Variants in ITIH5 observed in about 807,000 individuals in gnomAD.
The protein encoded by ITIH5 is inter-alpha-trypsin inhibitor heavy chain 5.
A neutral mutation model predicts 77.5 loss-of-function variants in ITIH5; 65 were observed. That is an observed-to-expected ratio of 0.84 (90% confidence interval 0.69 to 1.03). The LOEUF (loss-of-function observed/expected upper bound fraction) is 1.03, where lower values mean the gene tolerates loss of function less well. Ranked by LOEUF, ITIH5 falls within the 50% of genes least tolerant of loss-of-function variation. The pLI is 0.00. For missense variants in ITIH5, 1,208 were observed against 1,213.1 expected, an observed-to-expected ratio of 1.00 and a Z score of 0.06; for synonymous variants, 525 against 494.3, an observed-to-expected ratio of 1.06 and a Z score of -0.82.
rs1416282343 is a variant in ITIH5, at chr10:7,564,833, GTATACATACATACATA to G, written c.2527+1181_2527+1196del. On this transcript the variant is annotated intron_variant, in intron 13 of 13. Coordinates refer to ENST00000397146, the MANE Select transcript of ITIH5 (RefSeq NM_030569.7). The stretch of plus-strand genomic sequence containing the variant: ...TATATACACACACACACCATAGACT[GTATACATACATACATA>G]TATACATACATACACAGACTGTATA... 4.0e-5 allele frequency among the ~76,000 whole-genome samples: 6 copies of G among 149,022 alleles called. No homozygotes were observed. The South Asian group carries it at 1.1e-3, about 26-fold the overall frequency.
chr10:7,649,873 T>A (rs368983260), intron 2 of ITIH5, among the ~76,000 whole-genome samples: 1 of 152,142 alleles, frequency 6.6e-6, no homozygotes, highest in South Asian at 2.1e-4. Flanking sequence ...AGGAAGGATA[T>A]AAAACAGTGG....
At chr10:7,619,790 C>T (rs191204520) in intron 5 of ITIH5, 10 of 165,372 alleles carry the variant, frequency 6.0e-5, no homozygotes, top group African/African-American at 1.9e-4. Context: ...CCCACCAGGC[C>T]ACTCCTCCGA....
At position 7,566,067 on chromosome 10, in the gene ITIH5, G is replaced by A. The variant is rs1338074830; in HGVS notation, c.2490C>T (p.Asn830=). 3 of 1,614,166 alleles carry A rather than the reference G, an allele frequency of 1.9e-6. No homozygotes were observed. The African/African-American group carries it at 4.0e-5, about 22-fold the overall frequency. The change falls in exon 13 of 14, where the codon AAC becomes AAT. Residue 830 remains asparagine, a synonymous_variant. Transcript: ENST00000397146. ...GGCAGTTGCTGGAAAGGCCCTCGCT[G>A]TTGGCAATGTAGAAACCCAGGTGGT... The part of the protein sequence containing the change: ...QRHHLGFYIA[N]SEGLSSNCHG...
intron 13 of ITIH5, among the ~76,000 whole-genome samples, chr10:7,565,410 TAG>T (rs1264084514): frequency 6.8e-6 from 1 of 147,244 alleles, no homozygotes; most frequent in Non-Finnish European, 1.5e-5. Flanking sequence ...CACACATACA[TAG>T]ACAGTATACA....
rs796615139 is a variant in ITIH5 at position 7,634,093 on chromosome 10, A to G, written c.652+3135T>C. On this transcript the variant is annotated intron_variant, in intron 5 of 13. Transcript: ENST00000397146. ...GACAGAGCAAGACTCCGTCTCAAAA[A>G]AAAAAAAAAAAAAAAAGGAAAGAAA... 1.2e-3 allele frequency among the ~76,000 whole-genome samples: 174 copies of G among 151,002 alleles called. 1 individual carries two copies. The South Asian group carries it at 0.035, about 31-fold the overall frequency.
chr10:7,577,505 C>T (rs1351296515), intron 9 of ITIH5, among the ~76,000 whole-genome samples: 4 of 152,226 alleles, frequency 2.6e-5, no homozygotes, highest in Admixed American at 6.5e-5. Flanking sequence ...TGTACACTTA[C>T]GTTTCTTAAA....
Position 7,560,361 on chromosome 10 carries a change from C to T in ITIH5, c.*2722G>A, listed in dbSNP as rs1468118981. The T allele has an allele frequency of 6.6e-6, 1 of 152,594 alleles. No homozygotes were observed. The allele number at this position is 152,594 out of a possible 1,614,324, so 9.5% of individuals were successfully genotyped here. A position where few individuals can be genotyped will look rare whatever the true frequency, so the allele number is the denominator to read the frequency against. ...GGAATGAATCCTGTTCCTAATCCACCTATCAGGACACACGATTCAATTAAA... is the reference window on the plus strand; with the variant it reads ...GGAATGAATCCTGTTCCTAATCCACTTATCAGGACACACGATTCAATTAAA... On this transcript the variant is annotated 3_prime_UTR_variant, in exon 14 of 14. Transcript: ENST00000397146.
intron 7 of ITIH5, among the ~76,000 whole-genome samples, chr10:7,614,861 C>T (rs752159451): frequency 2.0e-5 from 3 of 152,040 alleles, no homozygotes; most frequent in Admixed American, 2.0e-4. Context: ...TGAGGCAGGA[C>T]CTGGAGGTGG....
intron 7 of ITIH5, among the ~76,000 whole-genome samples, chr10:7,608,019 C>G (rs1219133317): frequency 6.6e-6 from 1 of 152,210 alleles, no homozygotes; most frequent in Non-Finnish European, 1.5e-5. Context: ...GTGGACCCGA[C>G]GCTCTCTGTT....
In ITIH5 at chr10:7,579,863, C is replaced by T. The variant is rs768209813; in HGVS notation, c.1310G>A (p.Gly437Asp). 1.9e-6 allele frequency: 3 copies of T among 1,614,102 alleles called. No individual in the cohort carries two copies. The highest frequency in any genetic ancestry group is 2.2e-5 in the South Asian group (2 of 91,088). The change falls in exon 9 of 14, where the codon GGC becomes GAC. Residue 437 changes from glycine (G) to aspartate (D), a missense_variant. Physicochemically the swap from Gly to Asp is moderately conservative, Grantham distance 94. Transcript: ENST00000397146. ...ARGQVCIFTI[G>D]IGNDVDFRLL... The stretch of plus-strand genomic sequence containing the variant: ...CCTGAAGTCCACGTCGTTGCCGATG[C>T]CAATGGTGAAGATGCAGACTTGGCC...
chr10:7,615,829 C>T (rs1182151102), intron 7 of ITIH5, among the ~76,000 whole-genome samples, 153 bp downstream of exon 7: 1 of 152,190 alleles, frequency 6.6e-6, no homozygotes, highest in Non-Finnish European at 1.5e-5. Context: ...TGTCAAATGA[C>T]TTAACTGAAT....
chr10:7,660,921 C>T (rs1302065897), intron 1 of ITIH5, among the ~76,000 whole-genome samples: 5 of 152,344 alleles, frequency 3.3e-5, no homozygotes, highest in East Asian at 1.9e-4. Flanking sequence ...GTGTCTCCAT[C>T]GCCGGGGCGT....
intron 2 of ITIH5, among the ~76,000 whole-genome samples, chr10:7,647,333 G>A (rs1016251844): frequency 1.3e-5 from 2 of 152,184 alleles, no homozygotes; most frequent in South Asian, 2.1e-4. Flanking sequence ...GGAAAAACAT[G>A]GAGAATAATT....
chr10:7,571,347 T>C (rs933855038), intron 11 of ITIH5: 1 of 152,198 alleles, frequency 6.6e-6, no homozygotes, highest in Non-Finnish European at 1.5e-5. Context: ...GTCCATGACA[T>C]ACAATAGTGT....
intron 5 of ITIH5, among the ~76,000 whole-genome samples, chr10:7,631,387 C>A (rs1019537606): frequency 6.6e-6 from 1 of 152,130 alleles, no homozygotes; most frequent in African/African-American, 2.4e-5. Flanking sequence ...GGGGTTGGAG[C>A]AGGAGGACTG....
At chr10:7,587,378 G>A (rs1486620441) in intron 7 of ITIH5, among the ~76,000 whole-genome samples, 1 of 152,162 alleles carries the variant, frequency 6.6e-6, no homozygotes, top group Non-Finnish European at 1.5e-5. Flanking sequence ...ACACTTACAG[G>A]CTCAGCATAG....
chr10:7,566,229 G>C lies in ITIH5; in HGVS notation c.2328C>G (p.Asn776Lys). The part of the protein sequence containing the change: ...DGGDRLVLPC[N>K]QSVVVGSWGL... ...CCCAGCTCCCCACCACCACACTCTGGTTGCAGGGGAGCACCAGTCTGTCCC... is the reference window on the plus strand; with the variant it reads ...CCCAGCTCCCCACCACCACACTCTGCTTGCAGGGGAGCACCAGTCTGTCCC... Residue 776 changes from asparagine (N) to lysine (K), a missense_variant, in exon 13 of 14, where the codon AAC becomes AAG. Transcript: ENST00000397146. 1.2e-6 allele frequency: 2 copies of C among 1,613,744 alleles called. No homozygotes were observed. Among genetic ancestry groups the C allele is most frequent in the Non-Finnish European group, 1.7e-6 (2 of 1,179,862 alleles).
chr10:7,565,805 CAT>C (rs1038745865), intron 13 of ITIH5, among the ~76,000 whole-genome samples: 5 of 148,778 alleles, frequency 3.4e-5, no homozygotes, highest in African/African-American at 1.2e-4. Flanking sequence ...TACATATATA[CAT>C]ATATATGTAT....
chr10:7,659,544 C>G (rs1436717971), intron 1 of ITIH5, among the ~76,000 whole-genome samples: 5 of 152,158 alleles, frequency 3.3e-5, no homozygotes, highest in African/African-American at 1.2e-4. Flanking sequence ...TGTGGAGCAG[C>G]CTGGGGACCA....
Sources: allele counts gnomAD v4.1 joint callset (sites outside exome capture counted in the v4.1 genomes callset), GRCh38; gene constraint gnomAD v4.1.1; transcripts MANE v1.5; gene names NCBI Gene and HGNC (gene_info 2026-07-23, HGNC 2026-07-21).